Variants in DSCAML1 observed in about 807,000 individuals in gnomAD.
DSCAML1 encodes DS cell adhesion molecule like 1, also known as cell adhesion molecule DSCAML1.
Under a neutral mutation model 200.5 loss-of-function variants are expected in DSCAML1, and 38 were observed. The ratio of observed to expected loss-of-function variants is 0.19; its 90% confidence interval spans 0.15 to 0.25. The LOEUF (loss-of-function observed/expected upper bound fraction) is 0.25. Ranked by LOEUF, DSCAML1 falls within the 10% of genes least tolerant of loss-of-function variation. DSCAML1 has a pLI of 1.00. For synonymous variants in DSCAML1, 1,215 were observed against 1,165.0 expected (o/e 1.04, Z -0.87); for missense variants, 2,223 against 2,858.8 (o/e 0.78, Z 5.07).
intron 8 of DSCAML1, among the ~76,000 whole-genome samples, chr11:117,507,642 C>T (rs1012324849): frequency 6.6e-6 from 1 of 152,166 alleles, no homozygotes; most frequent in Non-Finnish European, 1.5e-5. Context: ...CCTGTGCTCC[C>T]ACCAGCATGC....
At chr11:117,544,321 T>C (rs1003971129) in intron 3 of DSCAML1, among the ~76,000 whole-genome samples, 1 of 152,228 alleles carries the variant, frequency 6.6e-6, no homozygotes, top group Non-Finnish European at 1.5e-5. Context: ...GCCTGCAGTG[T>C]GGAGCCTGCA....
At position 117,581,104 on chromosome 11, in the gene DSCAML1, T is replaced by G. The variant is rs73012547; in HGVS notation, c.512-48582A>C. Among the ~76,000 whole-genome samples, 600 of 152,330 alleles carry G rather than the reference T, an allele frequency of 3.9e-3. 2 individuals are homozygous for G. The highest frequency in any genetic ancestry group is 5.7e-3 in the Non-Finnish European group (391 of 68,022). ...CGCTGCAGGTCACTGAGCCGAAGCC[T>G]CCTCCTTTGAGGAGCACTGTGGCCC... On this transcript the variant is annotated intron_variant, in intron 3 of 32. Coordinates refer to ENST00000651296, the MANE Select transcript of DSCAML1 (RefSeq NM_020693.4).
chr11:117,492,443 A>AAG, intron 11 of DSCAML1, among the ~76,000 whole-genome samples: 15 of 152,184 alleles, frequency 9.9e-5, no homozygotes, highest in African/African-American at 3.4e-4. Flanking sequence ...GACAGCAGGT[A>AAG]CCCTGAAGCC....
At chr11:117,496,537 C>A (rs1405212529) in intron 11 of DSCAML1, among the ~76,000 whole-genome samples, 2 of 152,210 alleles carry the variant, frequency 1.3e-5, no homozygotes, top group Admixed American at 1.3e-4. Context: ...CATTTCCTGG[C>A]ACCTTCACCT....
At chr11:117,773,806 A>C (rs1490167407) in intron 3 of DSCAML1, among the ~76,000 whole-genome samples, 4 of 152,064 alleles carry the variant, frequency 2.6e-5, no homozygotes, top group Non-Finnish European at 5.9e-5. Flanking sequence ...CGGATCTAAC[A>C]TGTAGCTGTA....
At chr11:117,658,860 T>G (rs2052784968) in intron 3 of DSCAML1, among the ~76,000 whole-genome samples, 1 of 152,186 alleles carries the variant, frequency 6.6e-6, no homozygotes, top group Admixed American at 6.5e-5. Context: ...TTACGTTGCT[T>G]GAGCAAATGT....
chr11:117,555,021 A>C (rs1426116696), intron 3 of DSCAML1, among the ~76,000 whole-genome samples: 1 of 151,984 alleles, frequency 6.6e-6, no homozygotes, highest in African/African-American at 2.4e-5. Flanking sequence ...TGTAGACCCC[A>C]CACTCTGTGC....
At chr11:117,623,876 T>A (rs1191395420) in intron 3 of DSCAML1, among the ~76,000 whole-genome samples, 2 of 152,222 alleles carry the variant, frequency 1.3e-5, no homozygotes, top group East Asian at 1.9e-4. Context: ...GGTACTTCCA[T>A]CACAGAATGC....
chr11:117,695,237 C>T (rs1289273782), intron 3 of DSCAML1, among the ~76,000 whole-genome samples: 1 of 151,590 alleles, frequency 6.6e-6, no homozygotes, highest in Non-Finnish European at 1.5e-5. Flanking sequence ...AAGGCAAAGA[C>T]ATCACAGATG....
chr11:117,608,352 CAT>C (rs1310363118), intron 3 of DSCAML1, among the ~76,000 whole-genome samples: 2 of 152,090 alleles, frequency 1.3e-5, no homozygotes, highest in East Asian at 1.9e-4. Flanking sequence ...AAAATGGAAA[CAT>C]ATTGAAAATT....
chr11:117,781,992 C>T (rs941358028), intron 1 of DSCAML1, among the ~76,000 whole-genome samples: 1 of 152,202 alleles, frequency 6.6e-6, no homozygotes, highest in Non-Finnish European at 1.5e-5. Context: ...AATCCATTGC[C>T]TAGCAAGTGG....
chr11:117,743,417 C>T (rs999720185), intron 3 of DSCAML1, among the ~76,000 whole-genome samples: 6 of 152,232 alleles, frequency 3.9e-5, no homozygotes, highest in African/African-American at 1.2e-4. Context: ...GGCTTCCTGA[C>T]ATCCCTCAGT....
chr11:117,743,029 A>AT, intron 3 of DSCAML1, among the ~76,000 whole-genome samples: 1 of 151,812 alleles, frequency 6.6e-6, no homozygotes, highest in Middle Eastern at 3.4e-3. Context: ...CCATCCATCC[A>AT]CCCATCCGTC....
At chr11:117,765,470 C>A (rs752346237) in intron 3 of DSCAML1, among the ~76,000 whole-genome samples, 14 of 152,168 alleles carry the variant, frequency 9.2e-5, no homozygotes, top group Admixed American at 5.9e-4. Flanking sequence ...GAGCCTGTGA[C>A]CCTCTGTGTA....
At chr11:117,658,428 C>G (rs1008401071) in intron 3 of DSCAML1, among the ~76,000 whole-genome samples, 1 of 152,128 alleles carries the variant, frequency 6.6e-6, no homozygotes, top group Non-Finnish European at 1.5e-5. Context: ...ACTGAAGCCC[C>G]GGAAAGCTGT....
Position 117,725,853 on chromosome 11 carries a change from A to C in DSCAML1, c.511+50938T>G, listed in dbSNP as rs111573874. Among the ~76,000 whole-genome samples the C allele has an allele frequency of 8.3e-3, 1,126 of 135,480 alleles. 15 individuals carry two copies. Among genetic ancestry groups the C allele is most frequent in the African/African-American group, 0.032 (1,076 of 33,626 alleles). 88.9% of individuals were successfully genotyped at this position (135,480 alleles called of 152,430 possible). On this transcript the variant is annotated intron_variant, in intron 3 of 32. Coordinates refer to ENST00000651296, the MANE Select transcript of DSCAML1 (RefSeq NM_020693.4). Reference sequence around the variant, plus strand: ...CAAAACAAAACAAAACAAAACAAAAAGGTAGGGAGGCAGCAGGCAGCAGGT... The same window carrying C: ...CAAAACAAAACAAAACAAAACAAAACGGTAGGGAGGCAGCAGGCAGCAGGT...
chr11:117,808,521 G>GGAGA (rs137918479), intron 1 of DSCAML1, among the ~76,000 whole-genome samples: 3 of 152,126 alleles, frequency 2.0e-5, no homozygotes, highest in African/African-American at 7.2e-5. Flanking sequence ...GTGAGGTGAA[G>GGAGA]GAGAGAGAGA....
rs1330984420 is a variant in DSCAML1, at chr11:117,469,391, G to GATTTTCCT, written c.3024+511_3024+518dup. On this transcript the variant is annotated intron_variant, in intron 16 of 32. Coordinates refer to ENST00000651296, the MANE Select transcript of DSCAML1 (RefSeq NM_020693.4). This position sits in a 1 kb window ranked among gnomAD's most constrained non-coding sequence, Gnocchi z 4.1. ...TGCCCAGCTGTGGAATCTCCCCTAA[G>GATTTTCCT]ATTTTCCTTAAGTGACAGATGCTTC... Among the ~76,000 whole-genome samples, 2 of 152,222 alleles carry GATTTTCCT rather than the reference G, an allele frequency of 1.3e-5. No homozygotes were observed. Among genetic ancestry groups the GATTTTCCT allele is most frequent in the Admixed American group, 6.5e-5 (1 of 15,300 alleles).
chr11:117,455,053 C>T (rs1044255122), intron 19 of DSCAML1, among the ~76,000 whole-genome samples: 1 of 152,210 alleles, frequency 6.6e-6, no homozygotes, highest in Non-Finnish European at 1.5e-5. Flanking sequence ...AGGCTCACCT[C>T]CAGGGCCTCT....
Sources: gnomAD v4.1 joint callset for allele counts (sites outside exome capture counted in the v4.1 genomes callset) on GRCh38, gnomAD v4.1.1 for gene constraint, Gnocchi (gnomAD v3.1) non-coding constraint, MANE v1.5 for transcripts, NCBI Gene and HGNC (gene_info 2026-07-23, HGNC 2026-07-21) for gene names.